The following HECW1 variants were observed in gnomAD, a reference collection of about 807,000 sequenced individuals.
HECW1 encodes the protein HECT, C2 and WW domain containing E3 ubiquitin protein ligase 1.
In HECW1, 61 loss-of-function variants were observed where a neutral mutation model predicts 182.3. That is an observed-to-expected ratio of 0.33 (90% confidence interval 0.27 to 0.41). HECW1 has a LOEUF of 0.41. Among genes scored for constraint, HECW1 ranks in the 10% least tolerant of loss-of-function variants. HECW1 has a pLI of 1.00. For synonymous variants in HECW1, 859 were observed against 832.6 expected (o/e 1.03, Z -0.55); for missense variants, 1,739 against 2,108.9 (o/e 0.82, Z 3.44).
At chr7:43,281,146 C>A (rs368231195) in intron 3 of HECW1, among the ~76,000 whole-genome samples, 2 of 152,196 alleles carry the variant, frequency 1.3e-5, no homozygotes, top group African/African-American at 2.4e-5. Context: ...CCCACCCAAG[C>A]AAGTGGCAAA....
intron 2 of HECW1, among the ~76,000 whole-genome samples, chr7:43,192,018 G>A (rs1793963804): frequency 6.6e-6 from 1 of 150,446 alleles, no homozygotes; most frequent in African/African-American, 2.5e-5. Context: ...GGAGTGCAAT[G>A]GCATGATCTT....
chr7:43,267,616 A>G (rs1187650757), intron 3 of HECW1, among the ~76,000 whole-genome samples: 1 of 152,016 alleles, frequency 6.6e-6, no homozygotes, highest in Non-Finnish European at 1.5e-5. Context: ...AATAAACTAT[A>G]AACAAAATAT....
intron 3 of HECW1, among the ~76,000 whole-genome samples, chr7:43,304,148 G>C (rs1807219656): frequency 6.6e-6 from 1 of 152,102 alleles, no homozygotes; most frequent in African/African-American, 2.4e-5. Flanking sequence ...CTTTTAGACT[G>C]TTAGGACCAG....
At chr7:43,492,445 T>A (rs2078967953) in intron 18 of HECW1, among the ~76,000 whole-genome samples, 1 of 152,190 alleles carries the variant, frequency 6.6e-6, no homozygotes, top group Non-Finnish European at 1.5e-5. Context: ...CCTTTCTTCC[T>A]TATTCTATTC....
intron 24 of HECW1, among the ~76,000 whole-genome samples, chr7:43,534,684 C>T (rs2081113164): frequency 6.6e-6 from 1 of 152,186 alleles, no homozygotes; most frequent in Non-Finnish European, 1.5e-5. Context: ...GGGATAAAAC[C>T]AGATGATAAT....
In HECW1 at chr7:43,407,544, G is replaced by A. The variant is rs754368378; in HGVS notation, c.632-18G>A. ...CTCCCTAAAACATATTTAAATTAAA[G>A]TATCCTTTATTTTATAGATTTCCAA... On this transcript the variant is annotated intron_variant, in intron 7 of 29. Coordinates refer to ENST00000395891, the MANE Select transcript of HECW1 (RefSeq NM_015052.5). 8 of 1,588,412 alleles carry A rather than the reference G, an allele frequency of 5.0e-6. No individual in the cohort carries two copies. Among genetic ancestry groups the A allele is most frequent in the Non-Finnish European group, 6.9e-6 (8 of 1,162,278 alleles).
At position 43,381,039 on chromosome 7, in the gene HECW1, G is replaced by A. The variant is rs193074903; in HGVS notation, c.556-15775G>A. Among the ~76,000 whole-genome samples, 486 of 152,336 alleles carry A rather than the reference G, an allele frequency of 3.2e-3. 4 individuals carry two copies. The highest frequency in any genetic ancestry group is 0.011 in the African/African-American group (457 of 41,578). Reference sequence around the variant, plus strand: ...TTTATTTTTAGTTGTGAAAGGGTATGTAGTAGTATTGCAGTGTAGCTTTAT... The same window carrying A: ...TTTATTTTTAGTTGTGAAAGGGTATATAGTAGTATTGCAGTGTAGCTTTAT... On this transcript the variant is annotated intron_variant, in intron 6 of 29. Transcript: ENST00000395891.
rs376073462 is a variant in HECW1, at chr7:43,464,682, T to C, written c.2791+883T>C. Among the ~76,000 whole-genome samples, 6 of 152,324 alleles carry C rather than the reference T, an allele frequency of 3.9e-5. No homozygotes were observed. The East Asian group carries it at 1.2e-3, about 29-fold the overall frequency. ...AGCTGTCTACAGCAATGCAGAATATTGGACATTTTCATGTGATTTTTCAAA... is the reference window on the plus strand; with the variant it reads ...AGCTGTCTACAGCAATGCAGAATATCGGACATTTTCATGTGATTTTTCAAA... On this transcript the variant is annotated intron_variant, in intron 14 of 29. Transcript: ENST00000395891.
chr7:43,179,557 G>GT (rs1554299833), intron 2 of HECW1, among the ~76,000 whole-genome samples: 7 of 150,258 alleles, frequency 4.7e-5, no homozygotes, highest in African/African-American at 1.7e-4. Flanking sequence ...TGCTAAGTTT[G>GT]TTGTTGTTGT....
At chr7:43,256,632 GAA>G (rs1584207146) in intron 3 of HECW1, among the ~76,000 whole-genome samples, 1 of 145,802 alleles carries the variant, frequency 6.9e-6, no homozygotes, top group East Asian at 2.0e-4. Flanking sequence ...AAAAAGAAAA[GAA>G]AAGATGAACA....
In HECW1 at chr7:43,224,321, T is replaced by C. The variant is rs368018953; in HGVS notation, c.-31-19554T>C. 3.4e-4 allele frequency among the ~76,000 whole-genome samples: 52 copies of C among 152,314 alleles called. 1 individual carries two copies. The highest frequency in any genetic ancestry group is 1.2e-3 in the African/African-American group (49 of 41,572). On this transcript the variant is annotated intron_variant, in intron 2 of 29. Transcript: ENST00000395891. ...CATTATCCCTGCATCTCTAAGTTCA[T>C]AGCCTAGTGGAGGCACTGATGTACA...
chr7:43,254,680 C>T (rs1045945622), intron 3 of HECW1, among the ~76,000 whole-genome samples: 8 of 152,170 alleles, frequency 5.3e-5, no homozygotes, highest in South Asian at 2.1e-4. Flanking sequence ...ATATGATATA[C>T]GAAAGTGTAT....
intron 6 of HECW1, among the ~76,000 whole-genome samples, chr7:43,368,703 C>T (rs1447087343): frequency 1.3e-5 from 2 of 152,202 alleles, no homozygotes; most frequent in African/African-American, 4.8e-5. Flanking sequence ...AGAGCTCACA[C>T]TAACGAGGCA....
rs150459406 is a variant in HECW1, at chr7:43,430,779, T to TTTATTATTA, written c.802-7212_802-7204dup. Among the ~76,000 whole-genome samples the TTTATTATTA allele has an allele frequency of 7.4e-4, 105 of 141,732 alleles. 2 individuals carry two copies. The highest frequency in any genetic ancestry group is 4.0e-3 in the Admixed American group (57 of 14,184). The allele number at this position is 141,732 out of a possible 152,430, so 93.0% of individuals were successfully genotyped here. On this transcript the variant is annotated intron_variant, in intron 8 of 29. Coordinates refer to ENST00000395891, the MANE Select transcript of HECW1 (RefSeq NM_015052.5). ...ACTGTGGCCTCCATTTTTATTTTTC[T>TTTATTATTA]TTATTATTATTATTATTATTGAGAT...
chr7:43,304,906 G>A (rs1463103244), intron 3 of HECW1, among the ~76,000 whole-genome samples: 2 of 152,236 alleles, frequency 1.3e-5, no homozygotes, highest in Admixed American at 6.5e-5. Context: ...TGCCTTCTAA[G>A]TAGAGGGGAC....
chr7:43,545,460 A>G (rs775208179), intron 26 of HECW1, among the ~76,000 whole-genome samples: 31 of 152,272 alleles, frequency 2.0e-4, no homozygotes, highest in Non-Finnish European at 3.1e-4. Context: ...GTAGATCTAT[A>G]ATAATGTACA....
At chr7:43,217,148 G>A (rs748333266) in intron 2 of HECW1, among the ~76,000 whole-genome samples, 14 of 149,870 alleles carry the variant, frequency 9.3e-5, no homozygotes, top group Non-Finnish European at 1.5e-4. Flanking sequence ...ACTTATTACC[G>A]AGTACATGAA....
chr7:43,406,087 G>A (rs1228364439), intron 7 of HECW1, among the ~76,000 whole-genome samples: 1 of 152,204 alleles, frequency 6.6e-6, no homozygotes, highest in Non-Finnish European at 1.5e-5. Flanking sequence ...AGGCTGTGAT[G>A]CATGCAGCAT....
intron 5 of HECW1, among the ~76,000 whole-genome samples, chr7:43,328,349 C>T (rs777451629): frequency 3.9e-5 from 6 of 152,214 alleles, no homozygotes; most frequent in South Asian, 2.1e-4. Context: ...TGTGACTATT[C>T]GTGCAAGGCA....
Sources: allele counts gnomAD v4.1 joint callset (sites outside exome capture counted in the v4.1 genomes callset), GRCh38; gene constraint gnomAD v4.1.1; transcripts MANE v1.5; gene names NCBI Gene and HGNC (gene_info 2026-07-23, HGNC 2026-07-21).